The following TMEM140 variants were observed in gnomAD, a reference collection of about 807,000 sequenced individuals.
TMEM140 encodes the protein transmembrane protein 140.
For synonymous variants in TMEM140, 107 were observed against 106.8 expected (o/e 1.00, Z -0.01); for missense variants, 236 against 228.5 (o/e 1.03, Z -0.21).
At chr7:135,153,913 G>A (rs567476353) in intron 1 of TMEM140, among the ~76,000 whole-genome samples, 2 of 152,248 alleles carry the variant, frequency 1.3e-5, no homozygotes, top group Non-Finnish European at 2.9e-5. Flanking sequence ...AGGATTATTG[G>A]TATTAGTTTT....
At chr7:135,150,548 C>T (rs1004250387) in intron 1 of TMEM140, among the ~76,000 whole-genome samples, 1 of 152,092 alleles carries the variant, frequency 6.6e-6, no homozygotes, top group African/African-American at 2.4e-5. Context: ...CCCCACGAGT[C>T]GAAGTGGGTG....
Position 135,164,450 on chromosome 7 carries a change from C to T in TMEM140, c.9C>T (p.Gly3=), listed in dbSNP as rs759967875. The T allele has an allele frequency of 6.9e-6, 11 of 1,598,682 alleles. No homozygotes were observed. In the East Asian group the frequency reaches 2.5e-4, roughly 36 times the overall value. Reference sequence around the variant, plus strand: ...GGCAGAGGGCAGTAGAGATGGCCGGCCCAAGGCCTCGGTGGCGCGACCAGC... The same window carrying T: ...GGCAGAGGGCAGTAGAGATGGCCGGTCCAAGGCCTCGGTGGCGCGACCAGC... MA[G]PRPRWRDQLL... is the part of the protein sequence containing the mutation. Residue 3 remains glycine (G), a synonymous_variant, in exon 2 of 2, where the codon GGC becomes GGT. Coordinates refer to ENST00000275767, the MANE Select transcript of TMEM140 (RefSeq NM_018295.5).
In TMEM140 at chr7:135,164,455, G is replaced by A. The variant is rs770106563; in HGVS notation, c.14G>A (p.Arg5Lys). The change falls in exon 2 of 2, where the codon AGG becomes AAG. Residue 5 changes from arginine (R) to lysine (K), a missense_variant. Transcript: ENST00000275767. Reference sequence around the variant, plus strand: ...AGGGCAGTAGAGATGGCCGGCCCAAGGCCTCGGTGGCGCGACCAGCTGCTG... The same window carrying A: ...AGGGCAGTAGAGATGGCCGGCCCAAAGCCTCGGTGGCGCGACCAGCTGCTG... MAGP[R>K]PRWRDQLLFM... 12 of 1,599,036 alleles carry A rather than the reference G, an allele frequency of 7.5e-6. No homozygotes were observed. Among genetic ancestry groups the A allele is most frequent in the Middle Eastern group, 1.7e-4 (1 of 6,052 alleles).
In TMEM140 at chr7:135,165,083, C is replaced by G; in HGVS notation, c.*84C>G. On this transcript the variant is annotated 3_prime_UTR_variant, in exon 2 of 2. Transcript: ENST00000275767. ...CAGCCATCTCATTTTACAGCTAACG[C>G]TGATCTCCAGCTCCAGCGATGGAAC... 1 of 1,458,336 alleles carries G rather than the reference C, an allele frequency of 6.9e-7. No individual in the cohort carries two copies. The highest frequency in any genetic ancestry group is 9.2e-7 in the Non-Finnish European group (1 of 1,086,284). 90.3% of individuals were successfully genotyped at this position (1,458,336 alleles called of 1,614,324 possible).
chr7:135,160,707 G>A (rs946802236), intron 1 of TMEM140, among the ~76,000 whole-genome samples: 1 of 150,406 alleles, frequency 6.6e-6, no homozygotes, highest in African/African-American at 2.4e-5. Flanking sequence ...AACTCAGGGA[G>A]CCTATGTAGC....
rs763923471 is a variant in TMEM140, at chr7:135,164,554, A to G, written c.113A>G (p.Asn38Ser). 6.2e-7 allele frequency: 1 copy of G among 1,614,050 alleles called. No homozygotes were observed. Among genetic ancestry groups the G allele is most frequent in the Non-Finnish European group, 8.5e-7 (1 of 1,179,992 alleles). ...TACGCTCTTCTCTGGGAGGCTGGCA[A>G]CCTCACTGACCTGCCCAACCTGAGA... ...MFYALLWEAG[N>S]LTDLPNLRIG... Residue 38 changes from asparagine (N) to serine (S), a missense_variant, in exon 2 of 2, where the codon AAC becomes AGC. Coordinates refer to ENST00000275767, the MANE Select transcript of TMEM140 (RefSeq NM_018295.5).
In TMEM140 at chr7:135,164,959, TGAGGGCTGA is replaced by T. The variant is rs767980880; in HGVS notation, c.531_539del (p.Arg177_Glu179del). ...CTTATAGCCATGGCTGTGTTCCCTC[TGAGGGCTGA>T]GAGGGCTGAGAGCAAGCTTGAGAGC... On this transcript the variant is annotated inframe_deletion, in exon 2 of 2. Coordinates refer to ENST00000275767, the MANE Select transcript of TMEM140 (RefSeq NM_018295.5). 6 of 1,608,476 alleles carry T rather than the reference TGAGGGCTGA, an allele frequency of 3.7e-6. No individual in the cohort carries two copies. The highest frequency in any genetic ancestry group is 1.1e-5 in the South Asian group (1 of 90,824).
At chr7:135,154,999 G>C (rs1348872857) in intron 1 of TMEM140, among the ~76,000 whole-genome samples, 1 of 152,090 alleles carries the variant, frequency 6.6e-6, no homozygotes, top group Non-Finnish European at 1.5e-5. Flanking sequence ...TATTTGTTTT[G>C]TTAATCTGGG....
intron 1 of TMEM140, among the ~76,000 whole-genome samples, chr7:135,163,960 C>T (rs1301104785): frequency 1.3e-5 from 2 of 152,188 alleles, no homozygotes; most frequent in Admixed American, 1.3e-4. Flanking sequence ...CTTACAGCTC[C>T]CCAGGTGGTT....
In TMEM140 at chr7:135,161,923, A is replaced by G. The variant is rs1413709603; in HGVS notation, c.-24-2495A>G. Among the ~76,000 whole-genome samples the G allele has an allele frequency of 1.3e-5, 2 of 152,208 alleles. No individual in the cohort carries two copies. The highest frequency in any genetic ancestry group is 4.8e-5 in the African/African-American group (2 of 41,460). ...GACTGCCCAGTGCTGCTGAGTCCAGAGAAGCGGCATCTGAGGGGAGGCGGT... is the reference window on the plus strand; with the variant it reads ...GACTGCCCAGTGCTGCTGAGTCCAGGGAAGCGGCATCTGAGGGGAGGCGGT... On this transcript the variant is annotated intron_variant, in intron 1 of 1. Transcript: ENST00000275767. This position sits in a 1 kb window ranked among gnomAD's most constrained non-coding sequence, Gnocchi z 4.1.
At position 135,158,622 on chromosome 7, in the gene TMEM140, G is replaced by A. The variant is rs533916013; in HGVS notation, c.-24-5796G>A. ...TCAGCCCAAACTCAGGCTGGGAGGGGAATGCAGCCCAGCATTAAACTCTCA... is the reference window on the plus strand; with the variant it reads ...TCAGCCCAAACTCAGGCTGGGAGGGAAATGCAGCCCAGCATTAAACTCTCA... On this transcript the variant is annotated intron_variant, in intron 1 of 1. Transcript: ENST00000275767. Among the ~76,000 whole-genome samples, 8 of 152,326 alleles carry A rather than the reference G, an allele frequency of 5.3e-5. No individual in the cohort carries two copies. The South Asian group carries it at 1.7e-3, about 32-fold the overall frequency.
intron 1 of TMEM140, among the ~76,000 whole-genome samples, chr7:135,154,316 T>G (rs187080345): frequency 6.6e-6 from 1 of 152,310 alleles, no homozygotes; most frequent in Admixed American, 6.5e-5. Flanking sequence ...ATATGAACTT[T>G]TAGTTTCATT....
intron 1 of TMEM140, among the ~76,000 whole-genome samples, chr7:135,160,336 G>A (rs1329824452): frequency 6.6e-6 from 1 of 152,186 alleles, no homozygotes; most frequent in Admixed American, 6.5e-5. Context: ...CCCTCTGAAG[G>A]AAACACTGGC....
In TMEM140 at chr7:135,149,596, C is replaced by A. The variant is rs544601589; in HGVS notation, c.-25+1326C>A. Among the ~76,000 whole-genome samples the A allele has an allele frequency of 2.0e-5, 3 of 152,286 alleles. No individual in the cohort carries two copies. The South Asian group carries it at 6.2e-4, about 32-fold the overall frequency. On this transcript the variant is annotated intron_variant, in intron 1 of 1. Transcript: ENST00000275767. Reference sequence around the variant, plus strand: ...TTTTTAGGGTTTTTAATGTTTATTGCCAATCTGCCTCCCTGAAAGTTTGTA... The same window carrying A: ...TTTTTAGGGTTTTTAATGTTTATTGACAATCTGCCTCCCTGAAAGTTTGTA...
intron 1 of TMEM140, chr7:135,152,916 A>AAGG (rs1212134175): frequency 6.6e-6 from 1 of 152,252 alleles, no homozygotes; most frequent in Non-Finnish European, 1.5e-5. Context: ...CCCGATGGGG[A>AAGG]AGGGGCTGCC....
chr7:135,150,780 C>T (rs112455005), intron 1 of TMEM140, among the ~76,000 whole-genome samples: 18 of 152,248 alleles, frequency 1.2e-4, no homozygotes, highest in African/African-American at 3.1e-4. Context: ...TTCTTGAACC[C>T]GGGAGGCAGA....
chr7:135,164,266 G>A (rs754170435), intron 1 of TMEM140, among the ~76,000 whole-genome samples, 152 bp from the exon 2 acceptor site: 1 of 152,226 alleles, frequency 6.6e-6, no homozygotes, highest in Non-Finnish European at 1.5e-5. Context: ...CTGGCAGGAG[G>A]TTACCTCAGA....
intron 1 of TMEM140, among the ~76,000 whole-genome samples, chr7:135,149,385 A>T (rs553258852): frequency 1.3e-5 from 2 of 152,248 alleles, no homozygotes; most frequent in East Asian, 3.9e-4. Context: ...TGCTTTTTCT[A>T]AAAGATGCAT....
intron 1 of TMEM140, among the ~76,000 whole-genome samples, chr7:135,149,197 T>C (rs1829613538): frequency 2.0e-5 from 3 of 152,208 alleles, no homozygotes; most frequent in Admixed American, 6.5e-5. Context: ...TCTTTTTTTT[T>C]CATAAATGTA....
Sources: allele counts gnomAD v4.1 joint callset (sites outside exome capture counted in the v4.1 genomes callset), GRCh38; gene constraint gnomAD v4.1.1; non-coding constraint Gnocchi (gnomAD v3.1); transcripts MANE v1.5; gene names NCBI Gene and HGNC (gene_info 2026-07-23, HGNC 2026-07-21).